The following CATSPERG variants were observed in gnomAD, a reference collection of about 807,000 sequenced individuals.
CATSPERG encodes cation channel sperm-associated auxiliary subunit gamma.
In CATSPERG, 115 loss-of-function variants were observed where a neutral mutation model predicts 145.0. The ratio of observed to expected loss-of-function variants is 0.79; its 90% confidence interval spans 0.68 to 0.93. The LOEUF (loss-of-function observed/expected upper bound fraction) is 0.93. Among genes scored for constraint, CATSPERG ranks in the 40% least tolerant of loss-of-function variants. CATSPERG has a pLI of 0.00. For synonymous variants in CATSPERG, 588 were observed against 589.0 expected (o/e 1.00, Z 0.02); for missense variants, 1,296 against 1,490.1 (o/e 0.87, Z 2.14).
chr19:38,356,407 G>T (rs1261381542), intron 9 of CATSPERG, 77 bp from the exon 10 acceptor site: 4 of 1,333,284 alleles, frequency 3.0e-6, no homozygotes, highest in Non-Finnish European at 4.3e-6. Context: ...GGCATAAGGA[G>T]GGCAATCGGA....
Position 38,335,883 on chromosome 19 carries a change from G to C in CATSPERG, c.-15+8G>C, listed in dbSNP as rs12609114. On this transcript the variant is annotated splice_region_variant and intron_variant, in intron 1 of 28. Coordinates refer to ENST00000409235, the MANE Select transcript of CATSPERG (RefSeq NM_021185.5). ...GTTTTAACCAAGTGACTGGTACCACGGGGCCGGGGAAAAAGCTGTGCCATC... is the reference window on the plus strand; with the variant it reads ...GTTTTAACCAAGTGACTGGTACCACCGGGCCGGGGAAAAAGCTGTGCCATC... 866 of 253,108 alleles carry C rather than the reference G, an allele frequency of 3.4e-3. 30 individuals are homozygous for C. The East Asian group carries it at 0.09, about 26-fold the overall frequency. 15.7% of individuals were successfully genotyped at this position (253,108 alleles called of 1,614,324 possible). A position where few individuals can be genotyped will look rare whatever the true frequency, so the allele number is the denominator to read the frequency against.
rs1347713388 is a variant in CATSPERG, at chr19:38,362,357, C to G, written c.2158-19C>G. On this transcript the variant is annotated intron_variant, in intron 18 of 28. Coordinates refer to ENST00000409235, the MANE Select transcript of CATSPERG (RefSeq NM_021185.5). ...CCCACCCCCGGCGCTGACTCTGCCCCGCGCATCCGGTACCCCAGGATTACT... is the reference window on the plus strand; with the variant it reads ...CCCACCCCCGGCGCTGACTCTGCCCGGCGCATCCGGTACCCCAGGATTACT... 3.1e-6 allele frequency: 5 copies of G among 1,613,890 alleles called. No homozygotes were observed. The highest frequency in any genetic ancestry group is 1.3e-5 in the African/African-American group (1 of 74,934).
intron 9 of CATSPERG, 51 bp downstream of exon 9, chr19:38,354,898 C>A: frequency 4.4e-6 from 7 of 1,579,784 alleles, no homozygotes; most frequent in Non-Finnish European, 6.0e-6. Flanking sequence ...TACCCTCTCT[C>A]ACCTCCGAGA....
chr19:38,370,674 C>T lies in CATSPERG; in HGVS notation c.3362C>T (p.Ser1121Phe), dbSNP rs1970531936. The T allele has an allele frequency of 1.2e-6, 2 of 1,614,006 alleles. No individual in the cohort carries two copies. Among genetic ancestry groups the T allele is most frequent in the African/African-American group, 2.7e-5 (2 of 74,904 alleles). The change falls in exon 29 of 29, where the codon TCC becomes TTC. Residue 1121 changes from serine (S) to phenylalanine (F), a missense_variant. Ser to Phe is a radical substitution (Grantham distance 155). Coordinates refer to ENST00000409235, the MANE Select transcript of CATSPERG (RefSeq NM_021185.5). ...TCCTACTACACCTACGCCTCCATTTCCGGAATCTCGAGCATGCCGTCTCTG... is the reference window on the plus strand; with the variant it reads ...TCCTACTACACCTACGCCTCCATTTTCGGAATCTCGAGCATGCCGTCTCTG... The part of the protein sequence containing the change: ...SESYYTYASI[S>F]GISSMPSLRH...
rs749444722 is a variant in CATSPERG at position 38,362,254 on chromosome 19, G to A, written c.2139G>A (p.Ala713=). Residue 713 remains alanine, a synonymous_variant, in exon 18 of 29, where the codon GCG becomes GCA. Coordinates refer to ENST00000409235, the MANE Select transcript of CATSPERG (RefSeq NM_021185.5). ...PVHDPTWRWW[A]NNKQDQDYYF... ...ACGACCCCACCTGGCGCTGGTGGGCGAACAACAAACAAGACCAGGTAGGCG... is the reference window on the plus strand; with the variant it reads ...ACGACCCCACCTGGCGCTGGTGGGCAAACAACAAACAAGACCAGGTAGGCG... 6.8e-6 allele frequency: 11 copies of A among 1,612,602 alleles called. No individual in the cohort carries two copies. The highest frequency in any genetic ancestry group is 9.3e-6 in the Non-Finnish European group (11 of 1,179,338).
intron 1 of CATSPERG, 94 bp from the exon 2 acceptor site, chr19:38,337,127 A>C (rs1483324792): frequency 1.4e-5 from 20 of 1,432,260 alleles, no homozygotes; most frequent in Non-Finnish European, 1.9e-5. Context: ...GGCCAGGAGC[A>C]AGTGCTGTGA....
At position 38,337,608 on chromosome 19, in the gene CATSPERG, C is replaced by G; in HGVS notation, c.286C>G (p.Pro96Ala). 6.4e-7 allele frequency: 1 copy of G among 1,551,718 alleles called. No individual in the cohort carries two copies. Among genetic ancestry groups the G allele is most frequent in the East Asian group, 2.4e-5 (1 of 40,924 alleles). ...CTCTTTGCAGAAATACCTGGGCTTC[C>G]CTTACTACCTGAAGATCAACTACTC... ...IDPSEKYLGF[P>A]YYLKINYSCE... The change falls in exon 3 of 29, where the codon CCT becomes GCT. Residue 96 changes from proline (P) to alanine (A), a missense_variant. Transcript: ENST00000409235.
intron 3 of CATSPERG, among the ~76,000 whole-genome samples, chr19:38,338,227 C>A (rs1969877233): frequency 6.6e-6 from 1 of 152,092 alleles, no homozygotes; most frequent in Non-Finnish European, 1.5e-5. Context: ...CGGCTCACTG[C>A]AAGCTCCGCC....
At position 38,344,908 on chromosome 19, in the gene CATSPERG, T is replaced by A. The variant is rs907806859; in HGVS notation, c.669+540T>A. On this transcript the variant is annotated intron_variant, in intron 6 of 28. Coordinates refer to ENST00000409235, the MANE Select transcript of CATSPERG (RefSeq NM_021185.5). ...ATATATATATATATATATATTTTTT[T>A]TTTTTTTTTTTTTTTTGAGACGGGG... 2.4e-3 allele frequency among the ~76,000 whole-genome samples: 307 copies of A among 128,360 alleles called. 13 individuals are homozygous for A. Among genetic ancestry groups the A allele is most frequent in the African/African-American group, 7.0e-3 (240 of 34,422 alleles). 84.2% of individuals were successfully genotyped at this position (128,360 alleles called of 152,430 possible). A position where few individuals can be genotyped will look rare whatever the true frequency, so the allele number is the denominator to read the frequency against.
intron 20 of CATSPERG, among the ~76,000 whole-genome samples, chr19:38,364,516 G>A (rs1409402523): frequency 6.6e-6 from 1 of 152,204 alleles, no homozygotes; most frequent in Non-Finnish European, 1.5e-5. Flanking sequence ...TTCCCAGACG[G>A]GGTGGCGGCC....
chr19:38,346,034 C>T (rs756301249), intron 6 of CATSPERG, among the ~76,000 whole-genome samples: 6 of 152,074 alleles, frequency 3.9e-5, no homozygotes, highest in South Asian at 2.1e-4. Flanking sequence ...GGGTAAAGGG[C>T]GGTAAGCGCT....
chr19:38,370,860 A>T lies in CATSPERG; in HGVS notation c.*68A>T. On this transcript the variant is annotated 3_prime_UTR_variant, in exon 29 of 29. Coordinates refer to ENST00000409235, the MANE Select transcript of CATSPERG (RefSeq NM_021185.5). ...TTATGAGGCCCATCTTGAAGATGCA[A>T]CCTGTCACCCAGCCCAGGCCTCTCT... 6.6e-7 allele frequency: 1 copy of T among 1,525,184 alleles called. No individual in the cohort carries two copies. The highest frequency in any genetic ancestry group is 1.7e-5 in the Admixed American group (1 of 58,368). The allele number at this position is 1,525,184 out of a possible 1,614,324, so 94.5% of individuals were successfully genotyped here.
intron 19 of CATSPERG, 58 bp from the exon 20 acceptor site, chr19:38,362,656 C>T (rs868858383): frequency 2.0e-5 from 31 of 1,550,228 alleles, no homozygotes; most frequent in Non-Finnish European, 2.6e-5. Flanking sequence ...GGGACACCAT[C>T]GGAGGGGCGG....
intron 25 of CATSPERG, 129 bp downstream of exon 25, chr19:38,367,905 G>T: frequency 8.7e-7 from 1 of 1,144,886 alleles, no homozygotes; most frequent in Non-Finnish European, 1.3e-6. Context: ...GGGGCTCTTA[G>T]GATCTCACAG....
At chr19:38,366,794 G>A (rs937592618) in intron 22 of CATSPERG, 1 of 201,224 alleles carries the variant, frequency 5.0e-6, no homozygotes, top group South Asian at 8.9e-5. Context: ...TGGTTCAAGC[G>A]ATTCTCCAGC....
At chr19:38,352,811 G>A (rs1970168427) in intron 8 of CATSPERG, among the ~76,000 whole-genome samples, 1 of 151,520 alleles carries the variant, frequency 6.6e-6, no homozygotes, top group East Asian at 1.9e-4. Context: ...AAATCAGAAA[G>A]ACAGAGCGGG....
At chr19:38,348,762 C>T (rs142770751) in intron 7 of CATSPERG, among the ~76,000 whole-genome samples, 47 of 152,104 alleles carry the variant, frequency 3.1e-4, no homozygotes, top group Admixed American at 5.3e-4. Flanking sequence ...TGTGAGCCAT[C>T]GCACCTGGTC....
intron 4 of CATSPERG, 98 bp downstream of exon 4, chr19:38,343,822 G>A (rs1340146313): frequency 7.0e-7 from 1 of 1,433,048 alleles, no homozygotes; most frequent in East Asian, 2.5e-5. Context: ...GTATGTGGGG[G>A]GCGGGAGCTC....
In CATSPERG at chr19:38,360,616, C is replaced by A; in HGVS notation, c.1736C>A (p.Thr579Asn). 6.2e-7 allele frequency: 1 copy of A among 1,614,226 alleles called. No homozygotes were observed. The highest frequency in any genetic ancestry group is 8.5e-7 in the Non-Finnish European group (1 of 1,180,028). Reference sequence around the variant, plus strand: ...TACGCATCCAATGAGACCATGCTGACCCTCTTCTACGAAGACAGCAAACTG... The same window carrying A: ...TACGCATCCAATGAGACCATGCTGAACCTCTTCTACGAAGACAGCAAACTG... ...SLYASNETML[T>N]LFYEDSKLYQ... Residue 579 changes from threonine to asparagine, a missense_variant, in exon 15 of 29, where the codon ACC (threonine) becomes AAC (asparagine). Physicochemically the swap from Thr to Asn is moderately conservative, Grantham distance 65. Transcript: ENST00000409235.
Sources: gnomAD v4.1 joint callset for allele counts (sites outside exome capture counted in the v4.1 genomes callset) on GRCh38, gnomAD v4.1.1 for gene constraint, MANE v1.5 for transcripts, NCBI Gene and HGNC (gene_info 2026-07-23, HGNC 2026-07-21) for gene names.